EPM2A: variants seen among roughly 807,000 people sequenced by gnomAD.
The protein encoded by EPM2A is EPM2A glucan phosphatase, laforin.
In EPM2A, 21 loss-of-function variants were observed where a neutral mutation model predicts 26.5. That is an observed-to-expected ratio of 0.79 (90% confidence interval 0.56 to 1.14). The LOEUF (loss-of-function observed/expected upper bound fraction) is 1.14, where lower values mean the gene tolerates loss of function less well. Among genes scored for constraint, EPM2A ranks in the 50% most tolerant of loss-of-function variants. EPM2A has a pLI of 0.00. For synonymous variants in EPM2A, 217 were observed against 177.6 expected (o/e 1.22, Z -1.76); for missense variants, 458 against 440.8 (o/e 1.04, Z -0.35).
At chr6:145,599,836 T>C (rs1213067412) in intron 2 of EPM2A, among the ~76,000 whole-genome samples, 2 of 152,044 alleles carry the variant, frequency 1.3e-5, no homozygotes, top group Admixed American at 6.5e-5. Flanking sequence ...TCTGTAAACA[T>C]TGTATGTTTC....
chr6:145,692,001 T>TATACACAGG (rs1192501380), intron 1 of EPM2A, among the ~76,000 whole-genome samples: 1 of 152,040 alleles, frequency 6.6e-6, no homozygotes, highest in African/African-American at 2.4e-5. Flanking sequence ...CTTCAAATTA[T>TATACACAGG]ATACACAGGT....
At chr6:145,572,817 T>C (rs183794399) in intron 2 of EPM2A, among the ~76,000 whole-genome samples, 4 of 152,316 alleles carry the variant, frequency 2.6e-5, no homozygotes, top group African/African-American at 7.2e-5. Flanking sequence ...AACTTTCTCC[T>C]GTTCTGGAAC....
At chr6:145,422,665 C>T (rs1778804299) in intron 4 of EPM2A, among the ~76,000 whole-genome samples, 2 of 152,032 alleles carry the variant, frequency 1.3e-5, no homozygotes, top group African/African-American at 4.8e-5. Context: ...AGCTACTACC[C>T]CAACTCTATT....
At chr6:145,447,319 T>C (rs1196024380) in intron 4 of EPM2A, among the ~76,000 whole-genome samples, 3 of 152,178 alleles carry the variant, frequency 2.0e-5, no homozygotes, top group Non-Finnish European at 4.4e-5. Context: ...TCTACTTCCC[T>C]ACTTTGCAAT....
chr6:145,497,921 C>T (rs948608236), downstream of EPM2A, among the ~76,000 whole-genome samples: 2 of 152,250 alleles, frequency 1.3e-5, no homozygotes, highest in African/African-American at 4.8e-5. Context: ...GATAGTGGCC[C>T]TCCTCTCCTC....
chr6:145,668,993 A>G (rs1779447083), intron 2 of EPM2A, among the ~76,000 whole-genome samples: 1 of 152,088 alleles, frequency 6.6e-6, no homozygotes, highest in Non-Finnish European at 1.5e-5. Context: ...GCATGTGTGT[A>G]TATATGAGTG....
At chr6:145,554,745 T>A (rs1461314121) in intron 2 of EPM2A, among the ~76,000 whole-genome samples, 1 of 152,072 alleles carries the variant, frequency 6.6e-6, no homozygotes, top group Non-Finnish European at 1.5e-5. Context: ...TCTGATCTTA[T>A]CTAATCCTAA....
At chr6:145,629,194 C>T (rs1776059888) in intron 3 of EPM2A, 1 of 152,508 alleles carries the variant, frequency 6.6e-6, no homozygotes, top group South Asian at 2.1e-4. Context: ...GTTTCAGTTC[C>T]TTGAGCTCCA....
At chr6:145,578,141 T>C (rs1376429232) in intron 2 of EPM2A, among the ~76,000 whole-genome samples, 1 of 151,678 alleles carries the variant, frequency 6.6e-6, no homozygotes, top group East Asian at 1.9e-4. Flanking sequence ...CTTAAAGAAC[T>C]AGAAAATCAA....
At chr6:145,655,349 G>A (rs946640688) in intron 2 of EPM2A, among the ~76,000 whole-genome samples, 30 of 152,228 alleles carry the variant, frequency 2.0e-4, no homozygotes, top group Admixed American at 6.5e-5. Flanking sequence ...AGTTACTTGC[G>A]TGTACCTTCT....
chr6:145,417,027 A>T (rs374936751), intron 4 of EPM2A, among the ~76,000 whole-genome samples: 9 of 152,302 alleles, frequency 5.9e-5, no homozygotes, highest in African/African-American at 1.7e-4. Context: ...TAATGGCTGA[A>T]ATCTCCCTCA....
chr6:145,557,329 A>G (rs1780740735), intron 2 of EPM2A, among the ~76,000 whole-genome samples: 1 of 152,090 alleles, frequency 6.6e-6, no homozygotes, highest in Non-Finnish European at 1.5e-5. Flanking sequence ...TAGTTACACT[A>G]AAAGACCAGA....
chr6:145,695,921 T>C (rs1289182284), intron 1 of EPM2A, among the ~76,000 whole-genome samples: 1 of 152,080 alleles, frequency 6.6e-6, no homozygotes, highest in Non-Finnish European at 1.5e-5. Flanking sequence ...CATTGGACTT[T>C]AATTACACTT....
intron 2 of EPM2A, among the ~76,000 whole-genome samples, chr6:145,664,638 G>T (rs1376628853): frequency 6.6e-6 from 1 of 151,866 alleles, no homozygotes; most frequent in Non-Finnish European, 1.5e-5. Context: ...CCCAGGAATT[G>T]AACTCAGCTC....
chr6:145,469,597 T>C (rs983599252), intron 4 of EPM2A, among the ~76,000 whole-genome samples: 3 of 152,102 alleles, frequency 2.0e-5, no homozygotes, highest in Admixed American at 1.3e-4. Flanking sequence ...GTACAACTAC[T>C]ATAAAGAACA....
chr6:145,526,314 A>C (rs538631352), intron 2 of EPM2A, among the ~76,000 whole-genome samples: 61 of 152,026 alleles, frequency 4.0e-4, no homozygotes, highest in Non-Finnish European at 6.8e-4. Flanking sequence ...AGTAAGTTGC[A>C]GAAAAGTCTT....
At chr6:145,402,134 G>A (rs1778498823) in intron 4 of EPM2A, among the ~76,000 whole-genome samples, 1 of 152,128 alleles carries the variant, frequency 6.6e-6, no homozygotes, top group Non-Finnish European at 1.5e-5. Flanking sequence ...GAGCTAGGTA[G>A]TAACTTGTAA....
intron 3 of EPM2A, chr6:145,631,290 A>G (rs1340103245): frequency 6.6e-6 from 1 of 152,160 alleles, no homozygotes; most frequent in African/African-American, 2.4e-5. Context: ...GAGCAGCTAT[A>G]GATAGGCTCC....
chr6:145,627,746 G>A (rs753673746), intron 3 of EPM2A, 53 bp from the exon 4 acceptor site: 44 of 1,595,900 alleles, frequency 2.8e-5, no homozygotes, highest in Non-Finnish European at 3.7e-5. Flanking sequence ...ACCAGATACC[G>A]CCGCTGAGGT....
Sources: allele counts gnomAD v4.1 joint callset (sites outside exome capture counted in the v4.1 genomes callset), GRCh38; gene constraint gnomAD v4.1.1; transcripts MANE v1.5; gene names NCBI Gene and HGNC (gene_info 2026-07-23, HGNC 2026-07-21).